Variants in FGL1 observed in about 807,000 individuals in gnomAD.
The protein encoded by FGL1 is fibrinogen like 1, also known as fibrinogen-like protein 1.
FGL1 carries 59 observed loss-of-function variants against 43.7 expected under a neutral mutation model. The observed-to-expected ratio is 1.35, with a 90% CI of 1.10 to 1.68. The LOEUF (loss-of-function observed/expected upper bound fraction) is 1.68. Among genes scored for constraint, FGL1 ranks in the 40% most tolerant of loss-of-function variants. The pLI is 0.00. For synonymous variants in FGL1, 192 were observed against 126.5 expected (o/e 1.52, Z -3.48); for missense variants, 596 against 373.0 (o/e 1.60, Z -4.92).
chr8:17,868,633 T>G lies in FGL1; in HGVS notation c.694A>C (p.Met232Leu). The G allele has an allele frequency of 6.2e-7, 1 of 1,614,172 alleles. No homozygotes were observed. The highest frequency in any genetic ancestry group is 8.5e-7 in the Non-Finnish European group (1 of 1,180,020). ...TCTCTGTCCCACGTGCTGAATTTCA[T>G]TCTTTGGTGACTAGCCCACCACTGC... ...EVQWWASHQR[M>L]KFSTWDRDHD... The change falls in exon 7 of 8, where the codon ATG becomes CTG. Residue 232 changes from methionine to leucine, a missense_variant. Transcript: ENST00000427924.
intron 7 of FGL1, among the ~76,000 whole-genome samples, chr8:17,865,832 A>T (rs1260275644): frequency 1.3e-5 from 2 of 152,196 alleles, no homozygotes; most frequent in Non-Finnish European, 2.9e-5. Flanking sequence ...TATTGAATCA[A>T]AAAAGCATAT....
chr8:17,878,404 A>T (rs1484370940), intron 3 of FGL1, among the ~76,000 whole-genome samples: 2 of 152,196 alleles, frequency 1.3e-5, no homozygotes, highest in African/African-American at 4.8e-5. Context: ...TGGACTTTGA[A>T]ATCAAACTCC....
chr8:17,872,743 T>C (rs1054729201), intron 5 of FGL1, among the ~76,000 whole-genome samples: 1 of 152,098 alleles, frequency 6.6e-6, no homozygotes, highest in Admixed American at 6.6e-5. Flanking sequence ...AGACAATGGA[T>C]TGGAGCAAAA....
Position 17,875,539 on chromosome 8 carries a change from T to TCTCTCTCTCTCTCTCTC in FGL1, c.245-1019_245-1018insGAGAGAGAGAGAGAGAG, listed in dbSNP as rs1563452393. ...TCTTTCTTTCTTTCTTTCTTTCTCTTTCTTTCTTTCTTTCTTTCTTTCTTT... is the reference window on the plus strand; with the variant it reads ...TCTTTCTTTCTTTCTTTCTTTCTCTTCTCTCTCTCTCTCTCTCTCTTTCTTTCTTTCTTTCTTTCTTT... On this transcript the variant is annotated intron_variant, in intron 3 of 7. Coordinates refer to ENST00000427924, the MANE Select transcript of FGL1 (RefSeq NM_004467.4). Among the ~76,000 whole-genome samples the TCTCTCTCTCTCTCTCTC allele has an allele frequency of 7.5e-4, 11 of 14,696 alleles. 2 individuals are homozygous for TCTCTCTCTCTCTCTCTC. The highest frequency in any genetic ancestry group is 1.7e-3 in the African/African-American group (9 of 5,156). 9.6% of individuals were successfully genotyped at this position (14,696 alleles called of 152,430 possible). A position where few individuals can be genotyped will look rare whatever the true frequency, so the allele number is the denominator to read the frequency against.
chr8:17,874,272 T>C, intron 4 of FGL1, 90 bp downstream of exon 4: 1 of 1,438,916 alleles, frequency 6.9e-7, no homozygotes, highest in Non-Finnish European at 9.6e-7. Context: ...TTCTGTCTAA[T>C]TAATAGGCTT....
intron 7 of FGL1, among the ~76,000 whole-genome samples, chr8:17,868,028 G>A (rs1585126167): frequency 6.6e-6 from 1 of 152,188 alleles, no homozygotes; most frequent in South Asian, 2.1e-4. Flanking sequence ...TAACATGAAT[G>A]TATTCAGTCA....
At chr8:17,890,322 T>C (rs1409329567) in intron 1 of FGL1, among the ~76,000 whole-genome samples, 2 of 152,346 alleles carry the variant, frequency 1.3e-5, no homozygotes, top group South Asian at 2.1e-4. Context: ...TATTTGGTCA[T>C]TCACCGACAA....
chr8:17,882,191 G>GTGAGA lies in FGL1; in HGVS notation c.64-17_64-13dup, dbSNP rs2053547619. ...CAGTCCTCGAGCGCCTGCAAAACAG[G>GTGAGA]TGAGATGAGATGAGTATGCACCTCA... On this transcript the variant is annotated splice_polypyrimidine_tract_variant and intron_variant, in intron 2 of 7. Coordinates refer to ENST00000427924, the MANE Select transcript of FGL1 (RefSeq NM_004467.4). 3.7e-6 allele frequency: 6 copies of GTGAGA among 1,610,602 alleles called. No homozygotes were observed. Among genetic ancestry groups the GTGAGA allele is most frequent in the Non-Finnish European group, 4.2e-6 (5 of 1,178,806 alleles).
intron 3 of FGL1, among the ~76,000 whole-genome samples, chr8:17,879,804 C>T (rs771145595): frequency 2.6e-5 from 4 of 152,134 alleles, no homozygotes; most frequent in Non-Finnish European, 5.9e-5. Context: ...AGCACTTAAG[C>T]CTCAGTCTTC....
At chr8:17,881,863 G>T in intron 3 of FGL1, 136 bp downstream of exon 3, 3 of 612,294 alleles carry the variant, frequency 4.9e-6, no homozygotes, top group Non-Finnish European at 7.7e-6. Context: ...AAGTGTGAAA[G>T]AAGACATTTA....
At chr8:17,886,392 G>A (rs1023297961) in intron 1 of FGL1, among the ~76,000 whole-genome samples, 7 of 152,250 alleles carry the variant, frequency 4.6e-5, no homozygotes, top group Non-Finnish European at 8.8e-5. Flanking sequence ...TAAAAGATGC[G>A]AACTGACAAA....
rs535281825 is a variant in FGL1 at position 17,868,946 on chromosome 8, T to A, written c.561A>T (p.Gln187His). ...ADFEKNSRYA[Q>H]YKNFKVGDEK... ...CATCTCCAACTTTGAAATTCTTATA[T>A]TGTGCATAACGGCTATTTTTTTCAA... Residue 187 changes from glutamine to histidine, a missense_variant, in exon 6 of 8, where the codon CAA becomes CAT. Coordinates refer to ENST00000427924, the MANE Select transcript of FGL1 (RefSeq NM_004467.4). 4 of 1,604,034 alleles carry A rather than the reference T, an allele frequency of 2.5e-6. No homozygotes were observed. In the East Asian group the frequency reaches 6.7e-5, roughly 27 times the overall value.
At chr8:17,885,366 C>T in intron 2 of FGL1, 126 bp downstream of exon 2, 2 of 765,652 alleles carry the variant, frequency 2.6e-6, no homozygotes, top group South Asian at 1.8e-5. Context: ...CTACCAGCCT[C>T]TTTGCTTTTC....
intron 3 of FGL1, among the ~76,000 whole-genome samples, chr8:17,875,533 T>TTCTTTCTCTTTC (rs1208572003): frequency 8.4e-5 from 1 of 11,846 alleles, no homozygotes; most frequent in Admixed American, 7.1e-4. Context: ...CTTTCTTTCT[T>TTCTTTCTCTTTC]TCTCTTTCTT....
intron 3 of FGL1, 41 bp downstream of exon 3, chr8:17,881,958 A>G: frequency 1.9e-6 from 3 of 1,569,432 alleles, no homozygotes; most frequent in Non-Finnish European, 2.6e-6. Context: ...ATGGGTGCAT[A>G]ATGTAAGTTA....
chr8:17,867,681 G>A (rs1331971819), intron 7 of FGL1, among the ~76,000 whole-genome samples: 1 of 152,226 alleles, frequency 6.6e-6, no homozygotes, highest in Non-Finnish European at 1.5e-5. Flanking sequence ...TTGGGGCAGG[G>A]AGGGCTTTCA....
In FGL1 at chr8:17,882,124, A is replaced by C; in HGVS notation, c.119T>G (p.Leu40Arg). The change falls in exon 3 of 8, where the codon CTT becomes CGT. Residue 40 changes from leucine to arginine, a missense_variant. Leu to Arg is a moderately radical substitution (Grantham distance 102). Coordinates refer to ENST00000427924, the MANE Select transcript of FGL1 (RefSeq NM_004467.4). ...QMRLRAQVRLLETRVKQQQVK... is the reference protein window; with the variant it reads ...QMRLRAQVRLRETRVKQQQVK... ...CTGTTGCTGTTTGACCCGGGTCTCA[A>C]GCAGGCGCACCTGGGCTCTGAGCCG... The C allele has an allele frequency of 6.2e-7, 1 of 1,614,010 alleles. No homozygotes were observed. Among genetic ancestry groups the C allele is most frequent in the East Asian group, 2.2e-5 (1 of 44,852 alleles).
Position 17,885,578 on chromosome 8 carries a change from G to GA in FGL1, c.-17-8dup, listed in dbSNP as rs2053615405. 1.9e-6 allele frequency: 3 copies of GA among 1,610,326 alleles called. No individual in the cohort carries two copies. Among genetic ancestry groups the GA allele is most frequent in the Non-Finnish European group, 2.5e-6 (3 of 1,178,044 alleles). Reference sequence around the variant, plus strand: ...ATGTTCCCCCTTGAAAAAACTGCAAGAACAAAAAGAATTTTATAAATGTAT... The same window carrying GA: ...ATGTTCCCCCTTGAAAAAACTGCAAGAAACAAAAAGAATTTTATAAATGTAT... On this transcript the variant is annotated splice_polypyrimidine_tract_variant and splice_region_variant and intron_variant, in intron 1 of 7. Coordinates refer to ENST00000427924, the MANE Select transcript of FGL1 (RefSeq NM_004467.4).
intron 1 of FGL1, 87 bp downstream of exon 1, chr8:17,895,360 A>G: frequency 8.1e-7 from 1 of 1,228,532 alleles, no homozygotes; most frequent in Non-Finnish European, 1.0e-6. Flanking sequence ...AATGGTTGTT[A>G]CCTGAGTTTT....
Sources: gnomAD v4.1 joint callset for allele counts (sites outside exome capture counted in the v4.1 genomes callset) on GRCh38, gnomAD v4.1.1 for gene constraint, MANE v1.5 for transcripts, NCBI Gene and HGNC (gene_info 2026-07-23, HGNC 2026-07-21) for gene names.